Variants in CCPG1 observed in about 807,000 individuals in gnomAD.
CCPG1 encodes cell cycle progression protein 1.
Under a neutral mutation model 81.3 loss-of-function variants are expected in CCPG1, and 46 were observed. The observed-to-expected ratio is 0.57, with a 90% confidence interval of 0.45 to 0.72. The LOEUF is 0.72. CCPG1 is among the 30% of genes least tolerant of loss of function. The probability of loss-of-function intolerance (pLI) is 0.00; values close to 1 mark genes in which losing one functional copy is unlikely to be tolerated. For missense variants in CCPG1, 902 were observed against 937.6 expected, an observed-to-expected ratio of 0.96 and a Z score of 0.50; for synonymous variants, 330 against 305.2, an observed-to-expected ratio of 1.08 and a Z score of -0.85.
chr15:55,377,234 A>G, intron 4 of CCPG1, 84 bp from the exon 5 acceptor site: 2 of 897,312 alleles, frequency 2.2e-6, no homozygotes, highest in Non-Finnish European at 1.7e-6. Context: ...AGTAGTAAGT[A>G]TTATAGTCAT....
chr15:55,363,953 GCCA>G (rs1200245901), intron 7 of CCPG1, among the ~76,000 whole-genome samples: 2 of 149,694 alleles, frequency 1.3e-5, no homozygotes, highest in Non-Finnish European at 3.0e-5. Flanking sequence ...ACAGGTATGT[GCCA>G]CCACACCAGG....
At chr15:55,382,209 C>T (rs1297675149) in intron 3 of CCPG1, among the ~76,000 whole-genome samples, 2 of 152,006 alleles carry the variant, frequency 1.3e-5, no homozygotes, top group Non-Finnish European at 2.9e-5. Context: ...CATGGATTGA[C>T]TCTCCTTTCA....
chr15:55,360,665 TAAGA>T lies in CCPG1; in HGVS notation c.1104_1107del (p.Phe368LeufsTer8). 6.2e-7 allele frequency: 1 copy of T among 1,614,092 alleles called. No homozygotes were observed. The highest frequency in any genetic ancestry group is 8.5e-7 in the Non-Finnish European group (1 of 1,180,026). ...TCTGTCAACAGAGTCTCCCTTTGAC[TAAGA>T]AAGCTGTGTTTTTTCTGCTTTTCCT... On this transcript the variant is annotated frameshift_variant, in exon 8 of 9. Coordinates refer to ENST00000442196, the MANE Select transcript of CCPG1 (RefSeq NM_001204450.2). LOFTEE classifies it high-confidence loss of function.
At chr15:55,407,488 G>C (rs1049548723) in intron 1 of CCPG1, among the ~76,000 whole-genome samples, 6 of 152,168 alleles carry the variant, frequency 3.9e-5, no homozygotes, top group African/African-American at 1.4e-4. Context: ...CTAACTACAA[G>C]AATGCCCAAC....
At chr15:55,359,489 T>C (rs757275142) in intron 8 of CCPG1, 50 bp downstream of exon 8, 7 of 1,523,378 alleles carry the variant, frequency 4.6e-6, no homozygotes, top group African/African-American at 1.4e-5. Flanking sequence ...TGCTATCCAA[T>C]CTACAAATGT....
At chr15:55,382,072 G>T (rs1047809897) in intron 3 of CCPG1, among the ~76,000 whole-genome samples, 2 of 152,176 alleles carry the variant, frequency 1.3e-5, no homozygotes, top group African/African-American at 4.8e-5. Flanking sequence ...TCAGTGAATT[G>T]TAATATTTTT....
intron 8 of CCPG1, chr15:55,358,376 A>T: frequency 1.0e-6 from 1 of 985,422 alleles, no homozygotes; most frequent in Non-Finnish European, 1.2e-6. Flanking sequence ...TGTAATCTAA[A>T]ATACAATATA....
At chr15:55,383,449 T>C (rs1247600069) in intron 3 of CCPG1, among the ~76,000 whole-genome samples, 1 of 152,206 alleles carries the variant, frequency 6.6e-6, no homozygotes, top group Non-Finnish European at 1.5e-5. Context: ...CAACTTAAAG[T>C]CACCAGCTAC....
At chr15:55,401,465 A>G (rs145609734) in intron 1 of CCPG1, among the ~76,000 whole-genome samples, 10 of 152,270 alleles carry the variant, frequency 6.6e-5, no homozygotes, top group African/African-American at 2.2e-4. Context: ...TCAGGAGTTC[A>G]AGACTAGCCT....
intron 1 of CCPG1, 38 bp downstream of exon 1, chr15:55,408,183 A>G (rs1049537983): frequency 1.3e-5 from 2 of 152,446 alleles, no homozygotes; most frequent in African/African-American, 4.8e-5. Context: ...AGTCGGCACA[A>G]ACCCCCTCCC....
intron 3 of CCPG1, among the ~76,000 whole-genome samples, chr15:55,378,606 A>ATTTTT (rs11370083): frequency 6.8e-6 from 1 of 146,662 alleles, no homozygotes; most frequent in Admixed American, 6.8e-5. Context: ...ATCATTTAAG[A>ATTTTT]TTTTTTTTTT....
intron 1 of CCPG1, among the ~76,000 whole-genome samples, chr15:55,395,704 T>G (rs1479914244): frequency 6.6e-6 from 1 of 152,136 alleles, no homozygotes; most frequent in Non-Finnish European, 1.5e-5. Context: ...TTTCTGCATC[T>G]GGCACTTAAT....
intron 4 of CCPG1, among the ~76,000 whole-genome samples, chr15:55,377,558 G>C (rs1200316953): frequency 6.6e-6 from 1 of 152,266 alleles, no homozygotes; most frequent in South Asian, 2.1e-4. Context: ...GCTGTATCTT[G>C]TACTGAATGT....
chr15:55,392,628 C>G (rs922932966), intron 1 of CCPG1, among the ~76,000 whole-genome samples: 1 of 152,062 alleles, frequency 6.6e-6, no homozygotes, highest in Non-Finnish European at 1.5e-5. Context: ...TCAAGCTACC[C>G]TCCCACCTCA....
At chr15:55,368,933 G>A (rs999592465) in intron 6 of CCPG1, among the ~76,000 whole-genome samples, 6 of 152,064 alleles carry the variant, frequency 3.9e-5, no homozygotes, top group East Asian at 3.9e-4. Flanking sequence ...CCAACAGGGC[G>A]AAACCTCATC....
At chr15:55,399,782 T>TA (rs2057091614) in intron 1 of CCPG1, 1 of 152,016 alleles carries the variant, frequency 6.6e-6, no homozygotes, top group Non-Finnish European at 1.5e-5. Context: ...ACAGAAAACT[T>TA]ACGTTCTAAG....
intron 5 of CCPG1, among the ~76,000 whole-genome samples, chr15:55,375,078 G>T (rs1229381976): frequency 1.3e-5 from 2 of 152,072 alleles, no homozygotes; most frequent in Non-Finnish European, 2.9e-5. Flanking sequence ...GAATAACAAT[G>T]GGTAAAAATA....
rs548949622 is a variant in CCPG1 at position 55,369,476 on chromosome 15, G to A, written c.706+2317C>T. ...CTTGAACCCGGGAGGCGAAGGTTGC[G>A]GTGAGCCGAGATCACGCACTGCACT... On this transcript the variant is annotated intron_variant, in intron 6 of 8. Transcript: ENST00000442196. Among the ~76,000 whole-genome samples, 246 of 151,928 alleles carry A rather than the reference G, an allele frequency of 1.6e-3. 2 individuals carry two copies. The highest frequency in any genetic ancestry group is 5.7e-3 in the African/African-American group (237 of 41,424).
intron 7 of CCPG1, 142 bp from the exon 8 acceptor site, chr15:55,361,086 T>A: frequency 2.3e-6 from 2 of 881,644 alleles, no homozygotes; most frequent in South Asian, 2.5e-5. Context: ...TTCAATAGTA[T>A]AAACATTGGG....
Sources: gnomAD v4.1 joint callset for allele counts (sites outside exome capture counted in the v4.1 genomes callset) on GRCh38, gnomAD v4.1.1 for gene constraint, MANE v1.5 for transcripts, NCBI Gene and HGNC (gene_info 2026-07-23, HGNC 2026-07-21) for gene names.